Variants in UNC13A observed in about 807,000 individuals in gnomAD.
UNC13A encodes protein unc-13 homolog A.
In UNC13A, 61 loss-of-function variants were observed where a neutral mutation model predicts 219.7. The ratio of observed to expected loss-of-function variants is 0.28; its 90% CI spans 0.23 to 0.34. The LOEUF (loss-of-function observed/expected upper bound fraction) is 0.34, where lower values mean the gene tolerates loss of function less well. Among genes scored for constraint, UNC13A ranks in the 10% least tolerant of loss-of-function variants. The pLI, the probability that UNC13A is intolerant of heterozygous loss-of-function variation, is 1.00. For missense variants in UNC13A, 1,476 were observed against 2,270.3 expected (o/e 0.65, Z 7.11); for synonymous variants, 920 against 884.6 (o/e 1.04, Z -0.71).
chr19:17,609,583 C>T (rs2144917309), intron 43 of UNC13A, among the ~76,000 whole-genome samples: 1 of 152,166 alleles, frequency 6.6e-6, no homozygotes, highest in East Asian at 1.9e-4. Context: ...ATCACTGCCA[C>T]CCTCATTCCT....
Position 17,639,842 on chromosome 19 carries a change from G to T in UNC13A, c.2854C>A (p.Arg952=). 2 of 1,613,698 alleles carry T rather than the reference G, an allele frequency of 1.2e-6. No homozygotes were observed. Among genetic ancestry groups the T allele is most frequent in the South Asian group, 1.1e-5 (1 of 91,040 alleles). ...NSLRIDLSMY[R]NNFPASSPER... ...ATTCTCATGCACACACTTCCTACCCGGTACATGGAGAGGTCAATCCGCAGG... is the reference window on the plus strand; with the variant it reads ...ATTCTCATGCACACACTTCCTACCCTGTACATGGAGAGGTCAATCCGCAGG... Residue 952 remains arginine, a splice_region_variant and synonymous_variant, in exon 23 of 44, where the codon CGG becomes AGG. Coordinates refer to ENST00000519716, the MANE Select transcript of UNC13A (RefSeq NM_001080421.3).
intron 40 of UNC13A, 73 bp from the exon 41 acceptor site, chr19:17,617,922 C>T (rs2076685692): frequency 1.3e-6 from 2 of 1,562,928 alleles, no homozygotes; most frequent in East Asian, 4.6e-5. Flanking sequence ...GGTAGCCCTG[C>T]TGTCCCCACT....
At chr19:17,628,317 CCCTCA>C in intron 31 of UNC13A, 1 of 193,766 alleles carries the variant, frequency 5.2e-6, no homozygotes, top group Non-Finnish European at 1.0e-5. Flanking sequence ...AAGGCGTGTG[CCCTCA>C]CCCCGAGATA....
intron 9 of UNC13A, among the ~76,000 whole-genome samples, chr19:17,656,727 C>T (rs1763164699): frequency 6.6e-6 from 1 of 152,006 alleles, no homozygotes; most frequent in Non-Finnish European, 1.5e-5. Context: ...TGGCGTATGC[C>T]TGTAATCCCA....
At chr19:17,606,593 C>T (rs1291406399) in intron 43 of UNC13A, among the ~76,000 whole-genome samples, 1 of 152,204 alleles carries the variant, frequency 6.6e-6, no homozygotes, top group Non-Finnish European at 1.5e-5. Context: ...CCCATTTTTC[C>T]ACCCACCGAA....
At chr19:17,606,674 TGA>T (rs1191655132) in intron 43 of UNC13A, among the ~76,000 whole-genome samples, 1 of 145,978 alleles carries the variant, frequency 6.9e-6, no homozygotes, top group Non-Finnish European at 1.5e-5. Context: ...GCTCCCACCC[TGA>T]GATACCCGCG....
Position 17,658,257 on chromosome 19 carries a change from T to C in UNC13A, c.572A>G (p.Asp191Gly). ...GWGEQHNDDP[D>G]SAVDDRDSDY... ...ACTGTCACGATCATCCACTGCACTG[T>C]CGGGGTCATCGTCTGGAAGAGAGAG... Residue 191 changes from aspartate to glycine, a missense_variant, in exon 9 of 44, where the codon GAC becomes GGC. By Grantham distance (94) the Asp-to-Gly change is moderately conservative. Transcript: ENST00000519716. The C allele has an allele frequency of 1.9e-6, 3 of 1,612,596 alleles. No homozygotes were observed. The highest frequency in any genetic ancestry group is 2.5e-6 in the Non-Finnish European group (3 of 1,179,308).
At chr19:17,625,687 C>T (rs1044932278) in intron 34 of UNC13A, among the ~76,000 whole-genome samples, 1 of 151,596 alleles carries the variant, frequency 6.6e-6, no homozygotes, top group Admixed American at 6.6e-5. Context: ...ATATTTCTCA[C>T]CTATTAATCC....
chr19:17,617,980 T>TAGGCAA, intron 40 of UNC13A, 131 bp from the exon 41 acceptor site: 3 of 1,280,258 alleles, frequency 2.3e-6, no homozygotes, highest in Non-Finnish European at 3.2e-6. Context: ...TTGCTTTGCC[T>TAGGCAA]AGTGAACTCC....
At position 17,669,509 on chromosome 19, in the gene UNC13A, A is replaced by G. The variant is rs1599403494; in HGVS notation, c.394+44T>C. On this transcript the variant is annotated intron_variant, in intron 5 of 43. Transcript: ENST00000519716. ...CCTGGAATAGCTGAGTGAGTCCACA[A>G]CTGGGGCTGGGGCTGGGTGAAGGTC... 2.5e-6 allele frequency: 4 copies of G among 1,602,302 alleles called. No homozygotes were observed. The South Asian group carries it at 3.3e-5, about 13-fold the overall frequency.
rs967987975 is a variant in UNC13A, at chr19:17,668,022, C to T, written c.468+95G>A. The T allele has an allele frequency of 1.6e-4, 208 of 1,293,588 alleles. 1 individual carries two copies. The highest frequency in any genetic ancestry group is 8.2e-4 in the South Asian group (62 of 76,034). 80.1% of individuals were successfully genotyped at this position (1,293,588 alleles called of 1,614,324 possible). ...TTAGAAACAGAGATGCAGGGAAAGA[C>T]AAGCTTAGAGAGAAACAGCATCTGT... On this transcript the variant is annotated intron_variant, in intron 6 of 43. Coordinates refer to ENST00000519716, the MANE Select transcript of UNC13A (RefSeq NM_001080421.3).
intron 1 of UNC13A, among the ~76,000 whole-genome samples, chr19:17,677,843 C>T (rs865924633): frequency 1.2e-4 from 19 of 152,200 alleles, no homozygotes; most frequent in South Asian, 2.1e-4. Context: ...TCAACGTTGG[C>T]AGTTCCTTGT....
intron 1 of UNC13A, among the ~76,000 whole-genome samples, chr19:17,679,324 C>T: frequency 6.6e-6 from 1 of 151,902 alleles, no homozygotes; most frequent in East Asian, 1.9e-4. Flanking sequence ...CGCTTGAACC[C>T]AGGAGGCGGA....
At chr19:17,677,300 C>A (rs1334446661) in intron 1 of UNC13A, among the ~76,000 whole-genome samples, 1 of 151,890 alleles carries the variant, frequency 6.6e-6, no homozygotes, top group Non-Finnish European at 1.5e-5. Context: ...ATTCTCTACT[C>A]CCACCCCCAA....
Position 17,640,499 on chromosome 19 carries a change from C to T in UNC13A, c.2787+12G>A. On this transcript the variant is annotated intron_variant, in intron 22 of 43. Transcript: ENST00000519716. ...TCTCCCTAATTCTCCAATCCCAGTC[C>T]CCAGGACTGACCCCAAAGTTGGAGG... 6.5e-7 allele frequency: 1 copy of T among 1,547,706 alleles called. No homozygotes were observed. Among genetic ancestry groups the T allele is most frequent in the South Asian group, 1.2e-5 (1 of 83,464 alleles).
At chr19:17,666,119 T>TC (rs1352833103) in intron 7 of UNC13A, among the ~76,000 whole-genome samples, 3 of 68,602 alleles carry the variant, frequency 4.4e-5, no homozygotes, top group African/African-American at 2.1e-4. Flanking sequence ...CTTTTCTCTT[T>TC]TCTTTTCTTT....
chr19:17,635,853 T>G (rs1314476605), intron 26 of UNC13A, among the ~76,000 whole-genome samples, 171 bp downstream of exon 26: 2 of 152,218 alleles, frequency 1.3e-5, no homozygotes, highest in Non-Finnish European at 2.9e-5. Flanking sequence ...TATGTTTATG[T>G]TTGCAAATTG....
intron 6 of UNC13A, 49 bp from the exon 7 acceptor site, chr19:17,666,753 G>A: frequency 7.0e-7 from 1 of 1,424,128 alleles, no homozygotes. Context: ...GGGGCCAAAG[G>A]CCAGGGGACC....
intron 28 of UNC13A, 131 bp downstream of exon 28, chr19:17,632,641 GTGGAGAACAC>G: frequency 2.4e-6 from 3 of 1,256,452 alleles, no homozygotes; most frequent in Non-Finnish European, 3.3e-6. Context: ...ATGGCTGAGA[GTGGAGAACAC>G]TGGATTCAAG....
Sources: allele counts gnomAD v4.1 joint callset (sites outside exome capture counted in the v4.1 genomes callset), GRCh38; gene constraint gnomAD v4.1.1; transcripts MANE v1.5; gene names NCBI Gene and HGNC (gene_info 2026-07-23, HGNC 2026-07-21).